The following FRMD4B variants were observed in gnomAD, a reference collection of about 807,000 sequenced individuals.
FRMD4B encodes FERM domain containing 4B.
In FRMD4B, 74 loss-of-function variants were observed where a neutral mutation model predicts 141.5. The ratio of observed to expected loss-of-function variants is 0.52; its 90% CI spans 0.43 to 0.63. FRMD4B has a LOEUF of 0.63. Among genes scored for constraint, FRMD4B ranks in the 30% least tolerant of loss-of-function variants. FRMD4B has a pLI of 0.00. For synonymous variants in FRMD4B, 506 were observed against 467.9 expected (o/e 1.08, Z -1.05); for missense variants, 1,366 against 1,253.4 (o/e 1.09, Z -1.36).
At chr3:69,176,912 A>AT (rs1302730037) in intron 21 of FRMD4B, among the ~76,000 whole-genome samples, 1 of 152,178 alleles carries the variant, frequency 6.6e-6, no homozygotes, top group African/African-American at 2.4e-5. Context: ...TATAGGTATG[A>AT]TGCCAGGATT....
chr3:69,446,457 C>T (rs533992351), intron 1 of FRMD4B, among the ~76,000 whole-genome samples: 85 of 151,980 alleles, frequency 5.6e-4, no homozygotes, highest in Non-Finnish European at 9.4e-4. Context: ...CTCAGCCTCC[C>T]TAGTAGCTGA....
intron 1 of FRMD4B, among the ~76,000 whole-genome samples, chr3:69,363,621 C>A (rs1703543394): frequency 6.6e-6 from 1 of 151,726 alleles, no homozygotes; most frequent in South Asian, 2.1e-4. Context: ...AATCTCCTGA[C>A]CTCGTGATCC....
At chr3:69,469,462 T>C in intron 1 of FRMD4B, among the ~76,000 whole-genome samples, 1 of 152,238 alleles carries the variant, frequency 6.6e-6, no homozygotes, top group East Asian at 1.9e-4. Context: ...ATCTCTTCTT[T>C]TTAGGTGAAT....
intron 5 of FRMD4B, among the ~76,000 whole-genome samples, chr3:69,260,396 G>A (rs1290406790): frequency 6.6e-6 from 1 of 152,240 alleles, no homozygotes; most frequent in Non-Finnish European, 1.5e-5. Flanking sequence ...CCAGCCCTGG[G>A]CAGTGAGGGG....
At chr3:69,460,658 G>A (rs1422706263) in intron 1 of FRMD4B, among the ~76,000 whole-genome samples, 1 of 152,136 alleles carries the variant, frequency 6.6e-6, no homozygotes, top group Admixed American at 6.5e-5. Flanking sequence ...CAACTACTCA[G>A]ACTTGACTCT....
chr3:69,416,377 C>G lies in FRMD4B; in HGVS notation c.-1+16257G>C, dbSNP rs187325471. Among the ~76,000 whole-genome samples, 136 of 152,302 alleles carry G rather than the reference C, an allele frequency of 8.9e-4. 1 individual carries two copies. Among genetic ancestry groups the G allele is most frequent in the Non-Finnish European group, 1.6e-3 (112 of 68,034 alleles). Reference sequence around the variant, plus strand: ...TAAACTGCATCCTTGAATTTCTGGACTCAAGTGATCCTCTCACTTTGGCCT... The same window carrying G: ...TAAACTGCATCCTTGAATTTCTGGAGTCAAGTGATCCTCTCACTTTGGCCT... On this transcript the variant is annotated intron_variant, in intron 2 of 5. Transcript: ENST00000459638.
At chr3:69,317,291 G>T (rs974998334) in intron 1 of FRMD4B, among the ~76,000 whole-genome samples, 2 of 152,198 alleles carry the variant, frequency 1.3e-5, no homozygotes, top group Non-Finnish European at 2.9e-5. Context: ...TTGGGCAAGG[G>T]ATAGATACTT....
At chr3:69,178,472 G>T (rs1311944653) in intron 21 of FRMD4B, among the ~76,000 whole-genome samples, 1 of 151,958 alleles carries the variant, frequency 6.6e-6, no homozygotes, top group East Asian at 1.9e-4. Flanking sequence ...TGCAGCTAGG[G>T]CTTAGAGGCC....
intron 1 of FRMD4B, among the ~76,000 whole-genome samples, chr3:69,449,632 C>G (rs1159696848): frequency 2.0e-5 from 3 of 152,182 alleles, no homozygotes; most frequent in Non-Finnish European, 4.4e-5. Flanking sequence ...AATTATCAGC[C>G]TGAGGTCAGA....
chr3:69,184,217 T>C (rs1271468800), intron 19 of FRMD4B, among the ~76,000 whole-genome samples: 1 of 152,208 alleles, frequency 6.6e-6, no homozygotes, highest in East Asian at 1.9e-4. Context: ...TATAATCTGA[T>C]ACCTTTTACA....
chr3:69,462,981 T>C (rs956422107), intron 1 of FRMD4B, among the ~76,000 whole-genome samples: 4 of 152,224 alleles, frequency 2.6e-5, no homozygotes, highest in African/African-American at 9.6e-5. Flanking sequence ...CCCTCCCTGC[T>C]CACTCCTTCT....
At chr3:69,512,122 C>T (rs975810240) in intron 1 of FRMD4B, among the ~76,000 whole-genome samples, 39 of 152,272 alleles carry the variant, frequency 2.6e-4, no homozygotes, top group South Asian at 2.1e-4. Context: ...AGAGAAGAAG[C>T]TGCAGAGGTA....
At chr3:69,321,576 C>A (rs1160037541) in intron 1 of FRMD4B, among the ~76,000 whole-genome samples, 5 of 152,168 alleles carry the variant, frequency 3.3e-5, no homozygotes, top group African/African-American at 9.7e-5. Context: ...AGCTTTATTG[C>A]TTTGTTCACC....
intron 18 of FRMD4B, 54 bp downstream of exon 18, chr3:69,189,842 T>C: frequency 9.4e-7 from 1 of 1,067,894 alleles, no homozygotes; most frequent in Non-Finnish European, 1.4e-6. Context: ...AAAATTATCT[T>C]AATTATTTCA....
At chr3:69,256,867 A>G (rs531383817) in intron 5 of FRMD4B, among the ~76,000 whole-genome samples, 2 of 152,154 alleles carry the variant, frequency 1.3e-5, no homozygotes, top group African/African-American at 4.8e-5. Context: ...TAGTTGTTAG[A>G]GGTAATCTTT....
At chr3:69,280,950 G>C (rs1284345519) in intron 5 of FRMD4B, among the ~76,000 whole-genome samples, 1 of 150,356 alleles carries the variant, frequency 6.7e-6, no homozygotes, top group East Asian at 2.0e-4. Flanking sequence ...TTTTTTGTGA[G>C]ACAGAGTTTC....
chr3:69,473,084 G>T (rs1705924238), intron 1 of FRMD4B, among the ~76,000 whole-genome samples: 1 of 151,842 alleles, frequency 6.6e-6, no homozygotes, highest in South Asian at 2.1e-4. Context: ...ATTGTAAATT[G>T]AAGAGAAAGG....
chr3:69,438,277 A>G (rs73109498), intron 1 of FRMD4B, among the ~76,000 whole-genome samples: 39,540 of 151,036 alleles, frequency 0.26, 5,688 homozygotes, highest in East Asian at 0.47. Flanking sequence ...GGTAACTTTT[A>G]ATTTTTTTTG....
At chr3:69,371,949 CACTT>C (rs1703836029) in intron 1 of FRMD4B, among the ~76,000 whole-genome samples, 1 of 152,172 alleles carries the variant, frequency 6.6e-6, no homozygotes, top group African/African-American at 2.4e-5. Context: ...CTTCCCACCA[CACTT>C]ACTGCAAACT....
Sources: allele counts gnomAD v4.1 joint callset (sites outside exome capture counted in the v4.1 genomes callset), GRCh38; gene constraint gnomAD v4.1.1; transcripts MANE v1.5; gene names NCBI Gene and HGNC (gene_info 2026-07-23, HGNC 2026-07-21).